Variants in HAPLN2 observed in about 807,000 individuals in gnomAD.
The protein encoded by HAPLN2 is brain link protein-1.
HAPLN2 carries 27 observed loss-of-function variants against 29.3 expected under a neutral mutation model. The observed-to-expected ratio is 0.92, with a 90% CI of 0.68 to 1.27. The LOEUF is 1.27. Ranked by LOEUF, HAPLN2 falls within the 50% of genes most tolerant of loss-of-function variation. HAPLN2 has a pLI of 0.00. For missense variants in HAPLN2, 454 were observed against 484.3 expected, an observed-to-expected ratio of 0.94 and a Z score of 0.59; for synonymous variants, 208 against 211.7, an observed-to-expected ratio of 0.98 and a Z score of 0.15.
the HAPLN2 span, among the ~76,000 whole-genome samples, chr1:156,606,945 A>G: frequency 1.4e-4 from 21 of 152,026 alleles, no homozygotes; most frequent in African/African-American, 5.1e-4. Flanking sequence ...TTTCATAATA[A>G]TTTCCCATCT....
chr1:156,608,131 C>T, the HAPLN2 span, among the ~76,000 whole-genome samples: 1 of 152,216 alleles, frequency 6.6e-6, no homozygotes, highest in South Asian at 2.1e-4. Flanking sequence ...TGTTCACAAA[C>T]ATTACCATAT....
Position 156,624,688 on chromosome 1 carries a change from G to A in HAPLN2, c.644G>A (p.Cys215Tyr). Residue 215 changes from cysteine (C) to tyrosine (Y), a missense_variant, in exon 6 of 7, where the codon TGC (cysteine) becomes TAC (tyrosine). This residue lies in a region of HAPLN2 where 235 missense variants were observed against 236.9 expected (regional missense o/e 0.99). Coordinates refer to ENST00000255039, the MANE Select transcript of HAPLN2 (RefSeq NM_021817.3). The stretch of plus-strand genomic sequence containing the variant: ...CCTGTGCTCACCGCACGCGCCCCGT[G>A]CGGCGGCCGAGGCCGGCCCGGGATC... Reference protein sequence around the residue: ...RYPVLTARAPCGGRGRPGIRS... With the variant: ...RYPVLTARAPYGGRGRPGIRS... 6.2e-7 allele frequency: 1 copy of A among 1,601,220 alleles called. No homozygotes were observed. Among genetic ancestry groups the A allele is most frequent in the Non-Finnish European group, 8.5e-7 (1 of 1,175,994 alleles).
chr1:156,608,194 C>T, the HAPLN2 span, among the ~76,000 whole-genome samples: 4 of 152,212 alleles, frequency 2.6e-5, no homozygotes, highest in African/African-American at 7.2e-5. Flanking sequence ...AAATAGGGGC[C>T]GACAGAGCAC....
chr1:156,603,366 G>A, the HAPLN2 span, among the ~76,000 whole-genome samples: 1 of 151,964 alleles, frequency 6.6e-6, no homozygotes, highest in Non-Finnish European at 1.5e-5. Flanking sequence ...TTTCGCTGCA[G>A]TGTCCTGCAG....
At chr1:156,610,702 G>A in the HAPLN2 span, among the ~76,000 whole-genome samples, 2 of 151,780 alleles carry the variant, frequency 1.3e-5, no homozygotes, top group African/African-American at 4.8e-5. Flanking sequence ...ATGATCTCAG[G>A]TTAGAATATA....
At chr1:156,620,761 A>G (rs1458804964) in intron 2 of HAPLN2, among the ~76,000 whole-genome samples, 1 of 152,190 alleles carries the variant, frequency 6.6e-6, no homozygotes, top group Non-Finnish European at 1.5e-5. Context: ...CCATCTTCCC[A>G]TGAATCCTTA....
At chr1:156,616,638 G>GA (rs1678064929), upstream of HAPLN2, among the ~76,000 whole-genome samples, 2 of 152,204 alleles carry the variant, frequency 1.3e-5, no homozygotes, top group African/African-American at 4.8e-5. Flanking sequence ...GAGTTGGCAG[G>GA]AAGCCAATCA....
chr1:156,606,437 A>AG, the HAPLN2 span, among the ~76,000 whole-genome samples: 4 of 150,282 alleles, frequency 2.7e-5, no homozygotes, highest in African/African-American at 9.7e-5. Flanking sequence ...AAAAAAAAAA[A>AG]AAAAAAAAAA....
At chr1:156,603,892 A>G in the HAPLN2 span, among the ~76,000 whole-genome samples, 2 of 152,188 alleles carry the variant, frequency 1.3e-5, no homozygotes, top group Non-Finnish European at 2.9e-5. Flanking sequence ...CAAGGTCAGG[A>G]CACAGTGCTA....
the HAPLN2 span, among the ~76,000 whole-genome samples, chr1:156,606,878 G>A: frequency 6.6e-6 from 1 of 152,134 alleles, no homozygotes; most frequent in African/African-American, 2.4e-5. Flanking sequence ...ACCTCAGCCT[G>A]TCTTTGGCAA....
the HAPLN2 span, among the ~76,000 whole-genome samples, chr1:156,607,871 A>T: frequency 6.2e-4 from 94 of 152,114 alleles, 2 homozygotes; most frequent in South Asian, 8.3e-3. Context: ...TGGGATTTTT[A>T]AAAAAAATCT....
Position 156,625,498 on chromosome 1 carries a change from C to G in HAPLN2, c.*114C>G. On this transcript the variant is annotated 3_prime_UTR_variant, in exon 7 of 7. Transcript: ENST00000255039. This position sits in a 1 kb window ranked among gnomAD's most constrained non-coding sequence, Gnocchi z 5.7. ...TCCCTCCAGACCCGGAGCGGCCTCT[C>G]CAGACCTGCCTTCCCAGCCGGGGGC... The G allele has an allele frequency of 1.8e-6, 2 of 1,097,734 alleles. No homozygotes were observed. Among genetic ancestry groups the G allele is most frequent in the Non-Finnish European group, 2.5e-6 (2 of 811,854 alleles). 68.0% of individuals were successfully genotyped at this position (1,097,734 alleles called of 1,614,324 possible). A position where few individuals can be genotyped will look rare whatever the true frequency, so the allele number is the denominator to read the frequency against.
the HAPLN2 span, among the ~76,000 whole-genome samples, chr1:156,607,335 C>G: frequency 2.0e-5 from 3 of 152,058 alleles, no homozygotes; most frequent in South Asian, 6.2e-4. Flanking sequence ...CAAAAATTAG[C>G]CAGGCATGGT....
At chr1:156,610,269 C>T in the HAPLN2 span, among the ~76,000 whole-genome samples, 1 of 152,066 alleles carries the variant, frequency 6.6e-6, no homozygotes, top group Non-Finnish European at 1.5e-5. Context: ...AAATACTATG[C>T]AGACATGAAA....
chr1:156,608,216 G>T, the HAPLN2 span, among the ~76,000 whole-genome samples: 2 of 152,224 alleles, frequency 1.3e-5, no homozygotes, highest in Admixed American at 1.3e-4. Context: ...GAGAGAGATG[G>T]AATGAGACGT....
At chr1:156,614,748 C>G (rs1294283692), upstream of HAPLN2, 1 of 152,038 alleles carries the variant, frequency 6.6e-6, no homozygotes, top group Non-Finnish European at 1.5e-5. Flanking sequence ...AATAAACAGT[C>G]AAGATTTTGA....
upstream of HAPLN2, among the ~76,000 whole-genome samples, chr1:156,618,717 T>C (rs1678126479): frequency 7.1e-6 from 1 of 141,376 alleles, no homozygotes; most frequent in African/African-American, 2.7e-5. Context: ...AGTCGGAGCT[T>C]GCAGTGAGCC....
At chr1:156,615,729 C>G (rs1678041092), upstream of HAPLN2, among the ~76,000 whole-genome samples, 1 of 152,028 alleles carries the variant, frequency 6.6e-6, no homozygotes, top group Admixed American at 6.6e-5. Context: ...CATCATCATG[C>G]CCGGCTAACT....
At chr1:156,615,595 G>A (rs1678037646), upstream of HAPLN2, among the ~76,000 whole-genome samples, 2 of 137,746 alleles carry the variant, frequency 1.5e-5, no homozygotes, top group Non-Finnish European at 3.1e-5. Context: ...TTTTCAGACA[G>A]AATCTTGGTC....
Sources: gnomAD v4.1 joint callset for allele counts (sites outside exome capture counted in the v4.1 genomes callset) on GRCh38, gnomAD v4.1.1 for gene constraint, gnomAD v4.1.1 regional missense constraint, Gnocchi (gnomAD v3.1) non-coding constraint, MANE v1.5 for transcripts, NCBI Gene and HGNC (gene_info 2026-07-23, HGNC 2026-07-21) for gene names.